SLC17A1: variants seen among roughly 807,000 people sequenced by gnomAD.
The protein encoded by SLC17A1 is sodium-dependent phosphate transport protein 1.
In SLC17A1, 51 loss-of-function variants were observed where a neutral mutation model predicts 53.5. The observed-to-expected ratio is 0.95, with a 90% CI of 0.76 to 1.20. The LOEUF (loss-of-function observed/expected upper bound fraction) is 1.20, where lower values mean the gene tolerates loss of function less well. SLC17A1 is among the 50% of genes most tolerant of loss of function. The pLI is 0.00. For synonymous variants in SLC17A1, 179 were observed against 198.8 expected (o/e 0.90, Z 0.84); for missense variants, 538 against 568.2 (o/e 0.95, Z 0.54).
At chr6:25,751,665 A>G in the SLC17A1 span, among the ~76,000 whole-genome samples, 7 of 152,360 alleles carry the variant, frequency 4.6e-5, no homozygotes, top group East Asian at 1.3e-3. Flanking sequence ...TGAACAGCAC[A>G]TAAAACTTTG....
the SLC17A1 span, among the ~76,000 whole-genome samples, chr6:25,771,868 T>C: frequency 1.6e-3 from 247 of 152,280 alleles, 2 homozygotes; most frequent in Non-Finnish European, 9.1e-4. Flanking sequence ...CCAAAGACAC[T>C]TGGAAAGTTC....
the SLC17A1 span, chr6:25,732,528 G>T: frequency 2.1e-6 from 1 of 472,490 alleles, no homozygotes; most frequent in Non-Finnish European, 3.9e-6. Flanking sequence ...CGGTGTCAAC[G>T]GGCTGCTCAG....
downstream of SLC17A1, among the ~76,000 whole-genome samples, chr6:25,782,542 A>G (rs1222461371): frequency 6.6e-6 from 1 of 152,000 alleles, no homozygotes; most frequent in Non-Finnish European, 1.5e-5. Context: ...AAAGGACCAG[A>G]TTTTTCTTTA....
chr6:25,799,918 A>G (rs1284634412), intron 11 of SLC17A1, among the ~76,000 whole-genome samples: 1 of 152,092 alleles, frequency 6.6e-6, no homozygotes. Context: ...GGTTCTAGTG[A>G]TGTTTTCTTC....
At chr6:25,813,270 C>A in intron 6 of SLC17A1, 57 bp from the exon 7 acceptor site, 5 of 1,379,750 alleles carry the variant, frequency 3.6e-6, no homozygotes, top group Non-Finnish European at 5.2e-6. Flanking sequence ...GATCTCTTTC[C>A]CAGAATGGCA....
Position 25,819,958 on chromosome 6 carries a change from G to A in SLC17A1, c.208-43C>T, listed in dbSNP as rs540678841. The A allele has an allele frequency of 3.1e-4, 412 of 1,318,132 alleles. 4 individuals carry two copies. The South Asian group carries it at 5.4e-3, about 17-fold the overall frequency. The allele number at this position is 1,318,132 out of a possible 1,614,324, so 81.7% of individuals were successfully genotyped here. On this transcript the variant is annotated intron_variant, in intron 3 of 12. Coordinates refer to ENST00000244527, the MANE Select transcript of SLC17A1 (RefSeq NM_005074.5). ...ACATGTCGAATCACTCTGCATATCAGAAATTTACTGTGACATTTAGGGATT... is the reference window on the plus strand; with the variant it reads ...ACATGTCGAATCACTCTGCATATCAAAAATTTACTGTGACATTTAGGGATT...
the SLC17A1 span, chr6:25,731,640 G>A: frequency 2.0e-6 from 1 of 511,074 alleles, no homozygotes; most frequent in South Asian, 3.0e-5. Context: ...ACCATGTTAT[G>A]CCTAGTCTAG....
At chr6:25,813,032 A>G (rs753211204) in intron 7 of SLC17A1, 40 bp from the exon 8 acceptor site, 2 of 1,612,990 alleles carry the variant, frequency 1.2e-6, no homozygotes, top group Admixed American at 3.3e-5. Flanking sequence ...ATTAGAACAA[A>G]CTGGAACATG....
At chr6:25,726,893 G>A in the SLC17A1 span, 4 of 1,605,522 alleles carry the variant, frequency 2.5e-6, no homozygotes, top group African/African-American at 2.7e-5. Context: ...TAACGCTGCA[G>A]AAGTGTGTGG....
At chr6:25,787,459 A>T (rs1041661926) in intron 12 of SLC17A1, among the ~76,000 whole-genome samples, 1 of 152,232 alleles carries the variant, frequency 6.6e-6, no homozygotes, top group African/African-American at 2.4e-5. Flanking sequence ...AACCATCCCT[A>T]TAAACTTTAC....
chr6:25,814,182 T>C (rs1179386703), intron 6 of SLC17A1, among the ~76,000 whole-genome samples: 5 of 152,212 alleles, frequency 3.3e-5, no homozygotes, highest in Non-Finnish European at 2.9e-5. Context: ...AGAAAGTATA[T>C]AGTGCTCATC....
intron 6 of SLC17A1, among the ~76,000 whole-genome samples, chr6:25,817,697 A>G (rs1014384522): frequency 2.0e-5 from 3 of 152,206 alleles, no homozygotes; most frequent in African/African-American, 7.2e-5. Flanking sequence ...TTTTCCTTAT[A>G]TGGAGCTGAA....
the SLC17A1 span, chr6:25,769,251 T>G: frequency 6.9e-7 from 1 of 1,448,106 alleles, no homozygotes; most frequent in Non-Finnish European, 9.6e-7. Flanking sequence ...TAAAGAGTTA[T>G]AAAAGAGTGA....
intron 12 of SLC17A1, among the ~76,000 whole-genome samples, chr6:25,786,985 T>C (rs1763396184): frequency 6.6e-6 from 1 of 152,238 alleles, no homozygotes; most frequent in South Asian, 2.1e-4. Flanking sequence ...TGGGAATGTA[T>C]GCTTGCTATT....
At chr6:25,748,582 A>G in the SLC17A1 span, among the ~76,000 whole-genome samples, 1 of 152,312 alleles carries the variant, frequency 6.6e-6, no homozygotes, top group East Asian at 1.9e-4. Flanking sequence ...GTATAGAGAA[A>G]GAACAGTGGG....
downstream of SLC17A1, among the ~76,000 whole-genome samples, chr6:25,778,858 T>C (rs995310718): frequency 2.0e-5 from 3 of 152,118 alleles, no homozygotes; most frequent in Non-Finnish European, 2.9e-5. Flanking sequence ...AGGAGGAGCG[T>C]TCCAGCCAAG....
chr6:25,811,446 C>A lies in SLC17A1; in HGVS notation c.1130G>T (p.Ser377Ile), dbSNP rs1417991240. 1 of 1,613,900 alleles carries A rather than the reference C, an allele frequency of 6.2e-7. No homozygotes were observed. The highest frequency in any genetic ancestry group is 1.7e-5 in the Admixed American group (1 of 59,998). The change falls in exon 10 of 13, where the codon AGC becomes ATC. Residue 377 changes from serine (S) to isoleucine (I), a missense_variant. Physicochemically the swap from Ser to Ile is moderately radical, Grantham distance 142. Coordinates refer to ENST00000244527, the MANE Select transcript of SLC17A1 (RefSeq NM_005074.5). Reference protein sequence around the residue: ...IFLILAGATGSFCLGGVFING... With the variant: ...IFLILAGATGIFCLGGVFING... ...TATAAACACTCCACCCAAGCAAAAG[C>A]TGCCTGTTGCACCAGCAAGTATTAG...
the SLC17A1 span, chr6:25,726,821 G>GT: frequency 6.8e-7 from 1 of 1,460,036 alleles, no homozygotes; most frequent in Middle Eastern, 1.9e-4. Context: ...ATTTGGAGCT[G>GT]TTTAATACTG....
chr6:25,799,010 CA>C, intron 11 of SLC17A1, 91 bp from the exon 12 acceptor site: 1 of 1,219,520 alleles, frequency 8.2e-7, no homozygotes, highest in Non-Finnish European at 1.1e-6. Context: ...AATGTAGACT[CA>C]AGTCACGTAA....
Sources: gnomAD v4.1 joint callset for allele counts (sites outside exome capture counted in the v4.1 genomes callset) on GRCh38, gnomAD v4.1.1 for gene constraint, MANE v1.5 for transcripts, NCBI Gene and HGNC (gene_info 2026-07-23, HGNC 2026-07-21) for gene names.